The following PDZD4 variants were observed in gnomAD, a reference collection of about 807,000 sequenced individuals.
PDZD4 encodes the protein PDZ domain-containing protein 4.
In PDZD4, 9 loss-of-function variants were observed where a neutral mutation model predicts 38.5. The ratio of observed to expected loss-of-function variants is 0.23; its 90% CI spans 0.14 to 0.41. The LOEUF is 0.41. PDZD4 is among the 10% of genes least tolerant of loss of function. The pLI, the probability that PDZD4 is intolerant of heterozygous loss-of-function variation, is 1.00. For synonymous variants in PDZD4, 349 were observed against 315.7 expected (o/e 1.11, Z -1.12); for missense variants, 612 against 722.0 (o/e 0.85, Z 1.75).
chrX:153,805,321 G>A (rs1369354900), intron 6 of PDZD4, 114 bp from the exon 7 acceptor site: 2 of 772,311 alleles, frequency 2.6e-6, no homozygotes, highest in Non-Finnish European at 3.8e-6. Context: ...CAACCTGGGG[G>A]CAGCGTCCCA....
rs782186541 is a variant in PDZD4, at chrX:153,803,948, C to T, written c.1733G>A (p.Arg578His). The part of the protein sequence containing the change: ...ESSPYLSRRH[R>H]GQGQEGEHYH... Reference sequence around the variant, plus strand: ...GTGCTCGCCCTCCTGGCCCTGGCCGCGGTGGCGCCGCGAGAGGTAAGGGCT... The same window carrying T: ...GTGCTCGCCCTCCTGGCCCTGGCCGTGGTGGCGCCGCGAGAGGTAAGGGCT... Residue 578 changes from arginine (R) to histidine (H), a missense_variant, in exon 8 of 8, where the codon CGC becomes CAC. Arg to His is a conservative substitution (Grantham distance 29). This residue lies in a region of PDZD4 where 300 missense variants were observed against 284.6 expected (regional missense o/e 1.05). Transcript: ENST00000393758. The T allele has an allele frequency of 8.6e-7, 1 of 1,165,251 alleles. No individual in the cohort carries two copies. Among genetic ancestry groups the T allele is most frequent in the Middle Eastern group, 2.5e-4 (1 of 3,925 alleles).
chrX:153,806,694 C>T (rs200216382), intron 4 of PDZD4, 48 bp downstream of exon 4: 3 of 1,110,767 alleles, frequency 2.7e-6, no homozygotes, highest in African/African-American at 1.8e-5. Context: ...GAGCCACAGG[C>T]AGGCCATGTG....
In PDZD4 at chrX:153,803,991, G is replaced by A; in HGVS notation, c.1690C>T (p.Arg564Cys). Residue 564 changes from arginine to cysteine, a missense_variant, in exon 8 of 8, where the codon CGT (arginine) becomes TGT (cysteine). Arg to Cys is a radical substitution (Grantham distance 180). Coordinates refer to ENST00000393758, the MANE Select transcript of PDZD4 (RefSeq NM_001303512.2). ...RNPKTGLTLE[R>C]VGPESSPYLS... is the part of the protein sequence containing the mutation. ...TAAGGGCTGCTTTCAGGGCCCACAC[G>A]CTCCAGGGTCAACCCCGTCTTGGGG... 8.6e-7 allele frequency: 1 copy of A among 1,157,102 alleles called. No individual in the cohort carries two copies.
chrX:153,829,899 C>T, intron 1 of PDZD4: 1 of 815,341 alleles, frequency 1.2e-6, no homozygotes. Flanking sequence ...CCCCGCACGG[C>T]GGGAGCCTGG....
chrX:153,816,061 C>T (rs1167027713), intron 1 of PDZD4, among the ~76,000 whole-genome samples: 1 of 99,081 alleles, frequency 1.0e-5, no homozygotes, highest in Non-Finnish European at 2.0e-5. Flanking sequence ...CGCTGCCTTC[C>T]GAGGGAGCCG....
At chrX:153,813,924 A>G (rs2064333726) in intron 1 of PDZD4, among the ~76,000 whole-genome samples, 1 of 112,476 alleles carries the variant, frequency 8.9e-6, no homozygotes, top group Admixed American at 9.4e-5. Flanking sequence ...CAGTTTGCTG[A>G]AGATAAAACT....
chrX:153,827,287 GAT>G (rs1195044609), intron 1 of PDZD4, among the ~76,000 whole-genome samples: 9 of 112,146 alleles, frequency 8.0e-5, no homozygotes, highest in Non-Finnish European at 1.5e-4. Flanking sequence ...TGTTGGCAAA[GAT>G]ATAGAGAAAT....
intron 1 of PDZD4, among the ~76,000 whole-genome samples, chrX:153,814,330 C>T (rs902169191): frequency 3.6e-5 from 4 of 111,008 alleles, no homozygotes; most frequent in Admixed American, 1.9e-4. Flanking sequence ...AAAACTTAGC[C>T]GGGCATGGTG....
At chrX:153,827,720 C>G (rs1303704335) in intron 1 of PDZD4, among the ~76,000 whole-genome samples, 2 of 111,377 alleles carry the variant, frequency 1.8e-5, no homozygotes, top group African/African-American at 6.5e-5. Context: ...GATGTGATTG[C>G]TAAGGAGTGC....
Position 153,805,591 on chromosome X carries a change from C to G in PDZD4, c.583G>C (p.Val195Leu). 1 of 1,206,026 alleles carries G rather than the reference C, an allele frequency of 8.3e-7. No homozygotes were observed. The highest frequency in any genetic ancestry group is 1.1e-6 in the Non-Finnish European group (1 of 891,350). The change falls in exon 6 of 8, where the codon GTC (valine) becomes CTC (leucine). Residue 195 changes from valine to leucine, a missense_variant. Coordinates refer to ENST00000393758, the MANE Select transcript of PDZD4 (RefSeq NM_001303512.2). ...DRIIQINGVD[V>L]QNREEAVAIL... The stretch of plus-strand genomic sequence containing the variant: ...GCCACCGCCTCTTCCCGGTTCTGGA[C>G]GTCTACACCGTTAATCTGAGGCAGG...
intron 1 of PDZD4, among the ~76,000 whole-genome samples, chrX:153,814,838 C>T (rs2064345903): frequency 8.9e-6 from 1 of 111,782 alleles, no homozygotes; most frequent in Non-Finnish European, 1.9e-5. Flanking sequence ...CACCCCGTGG[C>T]AGTCAACCCT....
intron 3 of PDZD4, 91 bp from the exon 4 acceptor site, chrX:153,806,931 C>T (rs1162785671): frequency 7.5e-5 from 58 of 771,076 alleles, no homozygotes; most frequent in Non-Finnish European, 1.0e-4. Flanking sequence ...CCCCTCAGCC[C>T]GCAACCCCTC....
Position 153,805,458 on chromosome X carries a change from G to C in PDZD4, c.669+47C>G, listed in dbSNP as rs782175269. On this transcript the variant is annotated intron_variant, in intron 6 of 7. Transcript: ENST00000393758. ...GTCACGGCCAGCAGCTTCCAAGACA[G>C]AAAGCCTGATGTCGTGGCCCCGGGT... The C allele has an allele frequency of 5.0e-6, 5 of 1,000,178 alleles. No homozygotes were observed. In the Admixed American group the frequency reaches 1.2e-4, roughly 23 times the overall value. 82.4% of individuals were successfully genotyped at this position (1,000,178 alleles called of 1,213,427 possible). A position where few individuals can be genotyped will look rare whatever the true frequency, so the allele number is the denominator to read the frequency against.
intron 1 of PDZD4, among the ~76,000 whole-genome samples, chrX:153,815,387 T>C (rs2148468183): frequency 8.9e-6 from 1 of 111,742 alleles, no homozygotes; most frequent in East Asian, 2.8e-4. Flanking sequence ...CAAGCCCAGT[T>C]CCTCCTCCCA....
intron 1 of PDZD4, among the ~76,000 whole-genome samples, chrX:153,816,091 C>A (rs957522542): frequency 2.0e-5 from 2 of 99,228 alleles, no homozygotes; most frequent in Non-Finnish European, 4.1e-5. Flanking sequence ...CAGCGGCCTG[C>A]AGCCCAAGGC....
At chrX:153,809,374 C>T (rs1302036648) in intron 1 of PDZD4, among the ~76,000 whole-genome samples, 1 of 112,513 alleles carries the variant, frequency 8.9e-6, no homozygotes, top group Non-Finnish European at 1.9e-5. Flanking sequence ...ATCACGAGGT[C>T]AGGAGATCGA....
intron 1 of PDZD4, among the ~76,000 whole-genome samples, chrX:153,821,560 A>C (rs1470437557): frequency 9.0e-6 from 1 of 110,807 alleles, no homozygotes; most frequent in Non-Finnish European, 1.9e-5. Context: ...CCCGGTCCCT[A>C]CCCAAGGCCC....
chrX:153,812,923 A>G (rs1557079081), intron 1 of PDZD4, among the ~76,000 whole-genome samples: 6 of 109,125 alleles, frequency 5.5e-5, no homozygotes, highest in Admixed American at 4.9e-4. Context: ...AAAAGGCACA[A>G]ACACTCAACA....
intron 2 of PDZD4, chrX:153,807,863 C>T (rs1012912435): frequency 7.2e-6 from 7 of 977,144 alleles, no homozygotes; most frequent in African/African-American, 2.0e-5. Context: ...CCCCGCAGCC[C>T]GGGCTAAGAT....
Sources: allele counts gnomAD v4.1 joint callset (sites outside exome capture counted in the v4.1 genomes callset), GRCh38; gene constraint gnomAD v4.1.1; regional missense constraint gnomAD v4.1.1; transcripts MANE v1.5; gene names NCBI Gene and HGNC (gene_info 2026-07-23, HGNC 2026-07-21).